Variants in RNF2 observed in about 807,000 individuals in gnomAD.
RNF2 encodes the protein E3 ubiquitin-protein ligase RING2.
Under a neutral mutation model 37.2 loss-of-function variants are expected in RNF2, and 6 were observed. The observed-to-expected ratio is 0.16, with a 90% confidence interval of 0.09 to 0.32. The LOEUF (loss-of-function observed/expected upper bound fraction) is 0.32. RNF2 is among the 10% of genes least tolerant of loss of function. The pLI, the probability that RNF2 is intolerant of heterozygous loss-of-function variation, is 1.00. For synonymous variants in RNF2, 133 were observed against 132.7 expected (o/e 1.00, Z -0.02); for missense variants, 251 against 404.0 (o/e 0.62, Z 3.25).
intron 1 of RNF2, among the ~76,000 whole-genome samples, chr1:185,063,100 A>AT (rs1650661833): frequency 6.6e-6 from 1 of 152,238 alleles, no homozygotes. Flanking sequence ...TCTTACTGTT[A>AT]AAGTTAGCAA....
chr1:185,078,542 T>G (rs1651243837), intron 1 of RNF2, among the ~76,000 whole-genome samples: 1 of 152,172 alleles, frequency 6.6e-6, no homozygotes, highest in Non-Finnish European at 1.5e-5. Flanking sequence ...AGTATCAGCA[T>G]TAGTAAGCAG....
chr1:185,058,094 C>G (rs1161794218), intron 1 of RNF2, among the ~76,000 whole-genome samples: 1 of 152,126 alleles, frequency 6.6e-6, no homozygotes, highest in Non-Finnish European at 1.5e-5. Flanking sequence ...CCTTTGCATT[C>G]CAGCATTGCT....
chr1:185,097,977 TG>T, intron 4 of RNF2, 94 bp from the exon 5 acceptor site: 1 of 1,341,128 alleles, frequency 7.5e-7, no homozygotes, highest in African/African-American at 1.5e-5. Context: ...CAGTATTTTT[TG>T]GAATTCTAAA....
chr1:185,097,862 T>G (rs981774679), intron 4 of RNF2, among the ~76,000 whole-genome samples: 1 of 152,224 alleles, frequency 6.6e-6, no homozygotes, highest in African/African-American at 2.4e-5. Flanking sequence ...AATAGAAACA[T>G]TCGTTAAATT....
intron 1 of RNF2, among the ~76,000 whole-genome samples, chr1:185,045,927 C>T (rs993382109): frequency 6.6e-6 from 1 of 152,180 alleles, no homozygotes; most frequent in South Asian, 2.1e-4. Context: ...GCCGGGATTC[C>T]TTCCTTCGCC....
intron 4 of RNF2, among the ~76,000 whole-genome samples, chr1:185,094,934 C>G (rs576302699): frequency 3.9e-4 from 60 of 152,272 alleles, no homozygotes; most frequent in African/African-American, 1.4e-3. Flanking sequence ...AGAAAACTTT[C>G]AAATCTCATG....
At chr1:185,091,980 A>ATT in intron 3 of RNF2, 3 of 297,258 alleles carry the variant, frequency 1.0e-5, no homozygotes, top group Admixed American at 5.1e-5. Context: ...GTGGCCGGCT[A>ATT]GTTTTTTTTT....
chr1:185,049,958 T>G (rs1303814586), intron 1 of RNF2, among the ~76,000 whole-genome samples: 2 of 152,210 alleles, frequency 1.3e-5, no homozygotes, highest in Non-Finnish European at 2.9e-5. Context: ...CACTTACTGC[T>G]GCTATTGGCA....
chr1:185,089,180 CT>C (rs1275612182), intron 2 of RNF2, among the ~76,000 whole-genome samples: 1 of 152,160 alleles, frequency 6.6e-6, no homozygotes, highest in African/African-American at 2.4e-5. Context: ...GGTTCGGACT[CT>C]TACGAGAGTC....
chr1:185,052,246 C>T (rs867834328), intron 1 of RNF2, among the ~76,000 whole-genome samples: 18 of 152,128 alleles, frequency 1.2e-4, no homozygotes, highest in African/African-American at 4.1e-4. Flanking sequence ...AAAGTAGGGC[C>T]AGGCAATCTA....
intron 1 of RNF2, among the ~76,000 whole-genome samples, chr1:185,056,733 G>A (rs758413271): frequency 6.2e-5 from 9 of 146,196 alleles, no homozygotes; most frequent in Non-Finnish European, 1.1e-4. Context: ...ATGTTGCTTA[G>A]TCCTTTTGGA....
At chr1:185,053,949 T>C (rs936942426) in intron 1 of RNF2, among the ~76,000 whole-genome samples, 1 of 152,190 alleles carries the variant, frequency 6.6e-6, no homozygotes, top group Non-Finnish European at 1.5e-5. Context: ...GTAACCCGGA[T>C]TGAATGTAGC....
chr1:185,085,338 C>G (rs762435475), intron 1 of RNF2, among the ~76,000 whole-genome samples: 7 of 151,556 alleles, frequency 4.6e-5, no homozygotes, highest in Non-Finnish European at 1.0e-4. Context: ...TTAGTAGAGA[C>G]GGGGTTTCAC....
rs1336051552 is a variant in RNF2 at position 185,102,427 on chromosome 1, G to A, written c.*2126G>A. The A allele has an allele frequency of 6.6e-6, 1 of 152,140 alleles. No homozygotes were observed. The highest frequency in any genetic ancestry group is 1.5e-5 in the Non-Finnish European group (1 of 68,004). The allele number at this position is 152,140 out of a possible 1,614,324, so 9.4% of individuals were successfully genotyped here. ...GTACTTAGTTCTAAATTTTTTTATGGTAACATATACATAGCCACATTTACA... is the reference window on the plus strand; with the variant it reads ...GTACTTAGTTCTAAATTTTTTTATGATAACATATACATAGCCACATTTACA... On this transcript the variant is annotated 3_prime_UTR_variant, in exon 7 of 7. Coordinates refer to ENST00000367510, the MANE Select transcript of RNF2 (RefSeq NM_007212.4).
At chr1:185,086,311 T>C (rs1390503395) in intron 1 of RNF2, among the ~76,000 whole-genome samples, 1 of 152,116 alleles carries the variant, frequency 6.6e-6, no homozygotes, top group Non-Finnish European at 1.5e-5. Context: ...ATTTACTAAA[T>C]ATTAGGATGA....
chr1:185,051,548 T>A (rs992560498), intron 1 of RNF2, among the ~76,000 whole-genome samples: 2 of 152,042 alleles, frequency 1.3e-5, no homozygotes, highest in Middle Eastern at 3.4e-3. Flanking sequence ...AAAGTGAGAG[T>A]GAGATCCATT....
intron 1 of RNF2, among the ~76,000 whole-genome samples, chr1:185,055,589 A>G (rs775117428): frequency 3.3e-5 from 5 of 152,026 alleles, no homozygotes; most frequent in African/African-American, 9.7e-5. Flanking sequence ...TAATTTTTGT[A>G]TTTTGAGTAG....
chr1:185,076,821 A>G (rs2102180194), intron 1 of RNF2, among the ~76,000 whole-genome samples: 1 of 151,902 alleles, frequency 6.6e-6, no homozygotes, highest in South Asian at 2.1e-4. Context: ...GTTTGTTTTA[A>G]GGTAAACTCT....
intron 1 of RNF2, among the ~76,000 whole-genome samples, chr1:185,057,044 C>G (rs1317354452): frequency 6.6e-6 from 1 of 152,084 alleles, no homozygotes; most frequent in Admixed American, 6.6e-5. Flanking sequence ...TGCGGTGGCT[C>G]ATGCCTGTAA....
Sources: allele counts gnomAD v4.1 joint callset (sites outside exome capture counted in the v4.1 genomes callset), GRCh38; gene constraint gnomAD v4.1.1; transcripts MANE v1.5; gene names NCBI Gene and HGNC (gene_info 2026-07-23, HGNC 2026-07-21).